MCCC2: variants seen among roughly 807,000 people sequenced by gnomAD.
The protein encoded by MCCC2 is methylcrotonyl-CoA carboxylase subunit 2, also known as methylcrotonoyl-CoA carboxylase beta chain, mitochondrial.
MCCC2 carries 52 observed loss-of-function variants against 77.2 expected under a neutral mutation model. That is an observed-to-expected ratio of 0.67 (90% confidence interval 0.54 to 0.85). MCCC2 has a LOEUF of 0.85. Among genes scored for constraint, MCCC2 ranks in the 40% least tolerant of loss-of-function variants. The pLI is 0.00. For synonymous variants in MCCC2, 253 were observed against 248.4 expected, an observed-to-expected ratio of 1.02 and a Z score of -0.18; for missense variants, 682 against 703.2, an observed-to-expected ratio of 0.97 and a Z score of 0.34.
At chr5:71,646,129 T>C in intron 12 of MCCC2, 82 bp from the exon 13 acceptor site, 2 of 1,217,144 alleles carry the variant, frequency 1.6e-6, no homozygotes, top group South Asian at 1.2e-5. Context: ...TGTCTTTGGC[T>C]GAAGTTGTGG....
intron 6 of MCCC2, among the ~76,000 whole-genome samples, chr5:71,616,673 C>A (rs1746164567): frequency 6.6e-6 from 1 of 152,216 alleles, no homozygotes; most frequent in Admixed American, 6.5e-5. Context: ...CTTGCTCTTT[C>A]CCTAGGACTT....
At position 71,619,990 on chromosome 5, in the gene MCCC2, CA is replaced by C. The variant is rs368269667; in HGVS notation, c.625-6637del. On this transcript the variant is annotated intron_variant, in intron 6 of 16. Transcript: ENST00000340941. ...TGGGCGACAGAGTGAGACTCTGTCT[CA>C]AAAAAAAAAAAATGAATTTCAACCT... Among the ~76,000 whole-genome samples the C allele has an allele frequency of 6.7e-3, 832 of 123,576 alleles. 10 individuals are homozygous for C. Among genetic ancestry groups the C allele is most frequent in the African/African-American group, 0.022 (716 of 32,802 alleles). 81.1% of individuals were successfully genotyped at this position (123,576 alleles called of 152,430 possible).
rs76506800 is a variant in MCCC2, at chr5:71,622,832, C to T, written c.625-3808C>T. Among the ~76,000 whole-genome samples the T allele has an allele frequency of 4.8e-3, 732 of 152,194 alleles. 8 individuals are homozygous for T. The highest frequency in any genetic ancestry group is 0.017 in the African/African-American group (691 of 41,514). ...TTTTAAAAATGCATTTCAAGGCAGACGCGGTGGCTCACGCCTGTAATCCCA... is the reference window on the plus strand; with the variant it reads ...TTTTAAAAATGCATTTCAAGGCAGATGCGGTGGCTCACGCCTGTAATCCCA... On this transcript the variant is annotated intron_variant, in intron 6 of 16. Transcript: ENST00000340941.
chr5:71,637,796 G>A (rs1253429961), intron 10 of MCCC2, among the ~76,000 whole-genome samples: 1 of 152,086 alleles, frequency 6.6e-6, no homozygotes, highest in Non-Finnish European at 1.5e-5. Flanking sequence ...TCAGCTCACT[G>A]CAAGCTCAGC....
intron 6 of MCCC2, among the ~76,000 whole-genome samples, chr5:71,612,495 G>A (rs1161717701): frequency 6.6e-6 from 1 of 152,096 alleles, no homozygotes. Flanking sequence ...TATGAAATTC[G>A]TATTGTGGTC....
chr5:71,652,608 T>A, intron 15 of MCCC2, 61 bp from the exon 16 acceptor site: 1 of 1,247,902 alleles, frequency 8.0e-7, no homozygotes, highest in Non-Finnish European at 1.2e-6. Flanking sequence ...TGAATTGAGA[T>A]GATCTAAACA....
At chr5:71,623,920 C>T (rs920959187) in intron 6 of MCCC2, among the ~76,000 whole-genome samples, 7 of 152,212 alleles carry the variant, frequency 4.6e-5, no homozygotes, top group African/African-American at 1.7e-4. Context: ...TTTTCTAGAT[C>T]TCTCTTCCAT....
At chr5:71,617,228 C>T (rs1318998356) in intron 6 of MCCC2, among the ~76,000 whole-genome samples, 1 of 152,186 alleles carries the variant, frequency 6.6e-6, no homozygotes, top group Non-Finnish European at 1.5e-5. Context: ...TCTTTCCCCT[C>T]ATCCTCCTGG....
intron 6 of MCCC2, among the ~76,000 whole-genome samples, chr5:71,620,360 GAAGT>G (rs1023113907): frequency 3.3e-5 from 5 of 152,146 alleles, no homozygotes; most frequent in African/African-American, 1.2e-4. Flanking sequence ...AATTGAAAAA[GAAGT>G]AAGGTGACAG....
At chr5:71,629,348 G>A (rs764644059) in intron 7 of MCCC2, among the ~76,000 whole-genome samples, 1 of 152,154 alleles carries the variant, frequency 6.6e-6, no homozygotes, top group Non-Finnish European at 1.5e-5. Context: ...GGGAGTGACC[G>A]CTAATGAGGA....
At chr5:71,656,426 G>A (rs1747579275) in intron 16 of MCCC2, among the ~76,000 whole-genome samples, 2 of 152,116 alleles carry the variant, frequency 1.3e-5, no homozygotes, top group Non-Finnish European at 2.9e-5. Context: ...AAAGGAATAG[G>A]AAAATTTTTC....
chr5:71,630,991 A>T (rs531065932), intron 7 of MCCC2, among the ~76,000 whole-genome samples: 1 of 152,222 alleles, frequency 6.6e-6, no homozygotes, highest in South Asian at 2.1e-4. Flanking sequence ...TTTTCCTGGT[A>T]GAATTTCTCT....
intron 7 of MCCC2, among the ~76,000 whole-genome samples, chr5:71,629,017 C>A (rs1325739834): frequency 6.6e-6 from 1 of 151,928 alleles, no homozygotes; most frequent in Non-Finnish European, 1.5e-5. Flanking sequence ...ACCAGCCTGG[C>A]CAACATAGTG....
intron 1 of MCCC2, among the ~76,000 whole-genome samples, chr5:71,591,280 AG>A (rs776341613): frequency 1.3e-5 from 2 of 152,214 alleles, no homozygotes; most frequent in Non-Finnish European, 1.5e-5. Context: ...TAGCTAGTTA[AG>A]TATTGTTCTA....
intron 6 of MCCC2, among the ~76,000 whole-genome samples, chr5:71,620,860 T>C (rs1392172110): frequency 6.6e-6 from 1 of 152,170 alleles, no homozygotes; most frequent in Non-Finnish European, 1.5e-5. Context: ...CACCTCACCT[T>C]GCAAGAGTGA....
At chr5:71,630,733 G>A (rs1386202766) in intron 7 of MCCC2, among the ~76,000 whole-genome samples, 2 of 152,080 alleles carry the variant, frequency 1.3e-5, no homozygotes, top group East Asian at 3.9e-4. Context: ...GATGTAGAGA[G>A]TAATAAGTTG....
intron 3 of MCCC2, 73 bp downstream of exon 3, chr5:71,596,437 C>T (rs1316370734): frequency 5.3e-5 from 70 of 1,318,346 alleles, no homozygotes; most frequent in Non-Finnish European, 7.7e-5. Flanking sequence ...TCTTGTAAAT[C>T]AGTTATTTTG....
chr5:71,604,805 C>T (rs1745603777), intron 6 of MCCC2, among the ~76,000 whole-genome samples: 1 of 143,082 alleles, frequency 7.0e-6, no homozygotes, highest in Non-Finnish European at 1.5e-5. Flanking sequence ...TTGTTCAATT[C>T]CCACCTATGA....
chr5:71,635,392 A>G (rs1010229126), intron 10 of MCCC2, 146 bp downstream of exon 10: 2 of 742,684 alleles, frequency 2.7e-6, no homozygotes, highest in Non-Finnish European at 4.8e-6. Context: ...TGTGGCAATG[A>G]TACCTTTCCA....
Sources: gnomAD v4.1 joint callset for allele counts (sites outside exome capture counted in the v4.1 genomes callset) on GRCh38, gnomAD v4.1.1 for gene constraint, MANE v1.5 for transcripts, NCBI Gene and HGNC (gene_info 2026-07-23, HGNC 2026-07-21) for gene names.